Variants in XYLT1 observed in about 807,000 individuals in gnomAD.
The protein encoded by XYLT1 is xylosyltransferase 1.
In XYLT1, 36 loss-of-function variants were observed where a neutral mutation model predicts 91.3. That is an observed-to-expected ratio of 0.39 (90% confidence interval 0.30 to 0.52). The LOEUF (loss-of-function observed/expected upper bound fraction) is 0.52, where lower values mean the gene tolerates loss of function less well. XYLT1 is among the 20% of genes least tolerant of loss of function. The probability of loss-of-function intolerance (pLI) is 0.68; values close to 1 mark genes in which losing one functional copy is unlikely to be tolerated. For synonymous variants in XYLT1, 588 were observed against 532.0 expected (o/e 1.11, Z -1.45); for missense variants, 1,242 against 1,284.5 (o/e 0.97, Z 0.51).
At chr16:17,336,696 C>T (rs191000295) in intron 2 of XYLT1, among the ~76,000 whole-genome samples, 6 of 152,320 alleles carry the variant, frequency 3.9e-5, no homozygotes, top group South Asian at 2.1e-4. Context: ...CCAGCCCGTC[C>T]GAATCCCACA....
At chr16:17,363,973 C>T (rs1034488691) in intron 1 of XYLT1, among the ~76,000 whole-genome samples, 1 of 152,198 alleles carries the variant, frequency 6.6e-6, no homozygotes, top group African/African-American at 2.4e-5. Flanking sequence ...GCCACCAGGC[C>T]TGGCTCAAAT....
intron 2 of XYLT1, among the ~76,000 whole-genome samples, chr16:17,303,031 G>T (rs1042215620): frequency 6.6e-6 from 1 of 150,840 alleles, no homozygotes; most frequent in Non-Finnish European, 1.5e-5. Flanking sequence ...GAAAGGAAAG[G>T]GGAGGACTGG....
intron 6 of XYLT1, among the ~76,000 whole-genome samples, chr16:17,144,696 A>G (rs1453025430): frequency 2.0e-5 from 3 of 152,244 alleles, no homozygotes; most frequent in Non-Finnish European, 4.4e-5. Flanking sequence ...GATAACATCC[A>G]CACAATGTAA....
At chr16:17,394,212 T>C (rs975618925) in intron 1 of XYLT1, among the ~76,000 whole-genome samples, 4 of 152,228 alleles carry the variant, frequency 2.6e-5, no homozygotes, top group Non-Finnish European at 1.5e-5. Context: ...TTCTCACTGC[T>C]CTAGCCACAT....
At chr16:17,336,094 A>G (rs1175286849) in intron 2 of XYLT1, among the ~76,000 whole-genome samples, 2 of 152,214 alleles carry the variant, frequency 1.3e-5, no homozygotes, top group Non-Finnish European at 2.9e-5. Context: ...TGTGCACAGC[A>G]TGGAGAAACG....
At chr16:17,454,453 C>G (rs536564941) in intron 1 of XYLT1, among the ~76,000 whole-genome samples, 1 of 152,174 alleles carries the variant, frequency 6.6e-6, no homozygotes, top group East Asian at 1.9e-4. Flanking sequence ...CTCAATTGTG[C>G]TGTCATAGCA....
chr16:17,264,651 A>C lies in XYLT1; in HGVS notation c.403-5153T>G, dbSNP rs142057117. Among the ~76,000 whole-genome samples the C allele has an allele frequency of 5.3e-3, 806 of 152,322 alleles. 3 individuals are homozygous for C. The highest frequency in any genetic ancestry group is 7.2e-3 in the Non-Finnish European group (492 of 68,034). On this transcript the variant is annotated intron_variant, in intron 2 of 11. Transcript: ENST00000261381. Reference sequence around the variant, plus strand: ...GAGGTCTCCAGGCAGACCCATAAAAAATAACCATCATATGCCCAGCACCCA... The same window carrying C: ...GAGGTCTCCAGGCAGACCCATAAAACATAACCATCATATGCCCAGCACCCA...
chr16:17,150,647 G>A (rs772439485), intron 6 of XYLT1, among the ~76,000 whole-genome samples: 4 of 152,156 alleles, frequency 2.6e-5, no homozygotes, highest in Admixed American at 1.3e-4. Context: ...CACACAGCTG[G>A]TGAGTGGCAA....
At chr16:17,161,441 C>A (rs117947503) in intron 5 of XYLT1, among the ~76,000 whole-genome samples, 2 of 152,100 alleles carry the variant, frequency 1.3e-5, no homozygotes, top group Admixed American at 6.5e-5. Context: ...CTGCCTACCC[C>A]CCTTGCTAGG....
At chr16:17,329,395 CATA>C (rs1196408941) in intron 2 of XYLT1, among the ~76,000 whole-genome samples, 1 of 152,204 alleles carries the variant, frequency 6.6e-6, no homozygotes, top group African/African-American at 2.4e-5. Context: ...AATTGGAAAA[CATA>C]GTAGATATTT....
chr16:17,261,224 A>C (rs967961791), intron 2 of XYLT1, among the ~76,000 whole-genome samples: 2 of 126,548 alleles, frequency 1.6e-5, no homozygotes, highest in Admixed American at 8.8e-5. Flanking sequence ...GCCTGGGGGG[A>C]GAGTGAAACT....
intron 5 of XYLT1, among the ~76,000 whole-genome samples, chr16:17,165,957 C>T (rs1359132896): frequency 6.6e-6 from 1 of 152,236 alleles, no homozygotes; most frequent in African/African-American, 2.4e-5. Flanking sequence ...AGACTCACAT[C>T]ATTGCACAGA....
In XYLT1 at chr16:17,349,882, CT is replaced by C. The variant is rs201784273; in HGVS notation, c.402+8129del. Reference sequence around the variant, plus strand: ...TGTAATCATTATTGACAAGAGTGATCTTTTTTTTTTAGACGGAGTCTCGCTC... The same window carrying C: ...TGTAATCATTATTGACAAGAGTGATCTTTTTTTTTAGACGGAGTCTCGCTC... On this transcript the variant is annotated intron_variant, in intron 2 of 11. Coordinates refer to ENST00000261381, the MANE Select transcript of XYLT1 (RefSeq NM_022166.4). Among the ~76,000 whole-genome samples, 25 of 148,232 alleles carry C rather than the reference CT, an allele frequency of 1.7e-4. No individual in the cohort carries two copies. In the East Asian group the frequency reaches 2.4e-3, roughly 14 times the overall value.
intron 5 of XYLT1, among the ~76,000 whole-genome samples, chr16:17,172,463 T>A (rs1309132971): frequency 7.7e-6 from 1 of 130,246 alleles, no homozygotes; most frequent in Non-Finnish European, 1.7e-5. Flanking sequence ...ACTGCGTTCA[T>A]TTCTTTTTTT....
At chr16:17,157,310 G>A (rs770236701) in intron 6 of XYLT1, among the ~76,000 whole-genome samples, 14 of 152,130 alleles carry the variant, frequency 9.2e-5, no homozygotes, top group Non-Finnish European at 2.1e-4. Context: ...CTCCCATGCT[G>A]TGGATAACTG....
At chr16:17,236,752 G>C (rs2033255224) in intron 3 of XYLT1, among the ~76,000 whole-genome samples, 1 of 152,178 alleles carries the variant, frequency 6.6e-6, no homozygotes, top group Non-Finnish European at 1.5e-5. Flanking sequence ...TGCATCACCT[G>C]TCTTTACGTC....
At chr16:17,420,163 T>C (rs1165776938) in intron 1 of XYLT1, among the ~76,000 whole-genome samples, 1 of 152,220 alleles carries the variant, frequency 6.6e-6, no homozygotes, top group African/African-American at 2.4e-5. Flanking sequence ...TTAATTAATG[T>C]GTATATAAGC....
At chr16:17,115,800 T>A (rs868458022) in intron 11 of XYLT1, among the ~76,000 whole-genome samples, 205 of 50,316 alleles carry the variant, frequency 4.1e-3, no homozygotes, top group African/African-American at 0.014. Flanking sequence ...TCTGTTATAT[T>A]AAAAAAAAAA....
chr16:17,297,881 C>T (rs1365314559), intron 2 of XYLT1, among the ~76,000 whole-genome samples: 2 of 151,962 alleles, frequency 1.3e-5, no homozygotes, highest in South Asian at 2.1e-4. Flanking sequence ...ATTAGCCGGG[C>T]GTGGTGGTGT....
Sources: allele counts gnomAD v4.1 joint callset (sites outside exome capture counted in the v4.1 genomes callset), GRCh38; gene constraint gnomAD v4.1.1; transcripts MANE v1.5; gene names NCBI Gene and HGNC (gene_info 2026-07-23, HGNC 2026-07-21).